The following EGFR variants were observed in gnomAD, a reference collection of about 807,000 sequenced individuals.
EGFR encodes the protein epidermal growth factor receptor.
EGFR carries 58 observed loss-of-function variants against 143.0 expected under a neutral mutation model. The ratio of observed to expected loss-of-function variants is 0.41; its 90% CI spans 0.33 to 0.50. The LOEUF (loss-of-function observed/expected upper bound fraction) is 0.50, where lower values mean the gene tolerates loss of function less well. EGFR is among the 20% of genes least tolerant of loss of function. The pLI, the probability that EGFR is intolerant of heterozygous loss-of-function variation, is 0.39. For synonymous variants in EGFR, 613 were observed against 594.4 expected (o/e 1.03, Z -0.45); for missense variants, 1,307 against 1,579.0 (o/e 0.83, Z 2.92).
At chr7:55,027,337 A>G (rs1786951862) in intron 1 of EGFR, among the ~76,000 whole-genome samples, 1 of 152,222 alleles carries the variant, frequency 6.6e-6, no homozygotes, top group African/African-American at 2.4e-5. Context: ...CTCCAGGCAC[A>G]GGGACAGGAA....
intron 20 of EGFR, among the ~76,000 whole-genome samples, chr7:55,184,426 C>T (rs1240956442): frequency 6.6e-6 from 1 of 152,224 alleles, no homozygotes; most frequent in African/African-American, 2.4e-5. Flanking sequence ...CTCATGCTCA[C>T]ATTCCAGTTG....
intron 1 of EGFR, among the ~76,000 whole-genome samples, chr7:55,112,645 C>T (rs1012372389): frequency 9.9e-5 from 15 of 152,166 alleles, no homozygotes; most frequent in South Asian, 2.1e-4. Context: ...GTCTTCCTGC[C>T]GGCCTCTGGA....
chr7:55,191,957 C>G (rs2128964903), intron 21 of EGFR, 83 bp downstream of exon 21: 3 of 1,585,082 alleles, frequency 1.9e-6, no homozygotes, highest in Middle Eastern at 1.9e-4. Context: ...TTGTTTAACA[C>G]ATGCAGGGGA....
chr7:55,019,334 C>T lies in EGFR; in HGVS notation c.57C>T (p.Cys19=), dbSNP rs866936692. 6.6e-7 allele frequency: 1 copy of T among 1,519,588 alleles called. No homozygotes were observed. Among genetic ancestry groups the T allele is most frequent in the Non-Finnish European group, 8.9e-7 (1 of 1,129,354 alleles). The allele number at this position is 1,519,588 out of a possible 1,614,324, so 94.1% of individuals were successfully genotyped here. ...TCCTGGCGCTGCTGGCTGCGCTCTGCCCGGCGAGTCGGGCTCTGGAGGAAA... is the reference window on the plus strand; with the variant it reads ...TCCTGGCGCTGCTGGCTGCGCTCTGTCCGGCGAGTCGGGCTCTGGAGGAAA... ...AALLALLAAL[C]PASRALEEKK... The change falls in exon 1 of 28, where the codon TGC becomes TGT. Residue 19 remains cysteine (C), a synonymous_variant. Coordinates refer to ENST00000275493, the MANE Select transcript of EGFR (RefSeq NM_005228.5).
intron 1 of EGFR, among the ~76,000 whole-genome samples, chr7:55,024,118 T>A (rs1401378031): frequency 6.6e-6 from 1 of 152,190 alleles, no homozygotes; most frequent in East Asian, 1.9e-4. Flanking sequence ...TCAATCCAGT[T>A]GTCTAGAAAG....
chr7:55,058,753 G>A (rs1343635220), intron 1 of EGFR, among the ~76,000 whole-genome samples: 1 of 152,076 alleles, frequency 6.6e-6, no homozygotes, highest in Non-Finnish European at 1.5e-5. Context: ...TAGTACCAGG[G>A]TGACAAAATA....
At chr7:55,093,182 G>GT (rs1386040970) in intron 1 of EGFR, among the ~76,000 whole-genome samples, 1 of 152,198 alleles carries the variant, frequency 6.6e-6, no homozygotes, top group East Asian at 1.9e-4. Flanking sequence ...TCCTTCCAGC[G>GT]CCTAAGCCTG....
intron 20 of EGFR, among the ~76,000 whole-genome samples, chr7:55,190,125 C>G (rs1033121218): frequency 6.6e-6 from 1 of 151,440 alleles, no homozygotes; most frequent in Non-Finnish European, 1.5e-5. Context: ...TCGGCTTCTG[C>G]CCCCCCTCTC....
At chr7:55,080,091 T>C (rs751103325) in intron 1 of EGFR, among the ~76,000 whole-genome samples, 1 of 152,200 alleles carries the variant, frequency 6.6e-6, no homozygotes, top group Non-Finnish European at 1.5e-5. Context: ...TGTCCTGTGG[T>C]TTTCCCTTAG....
chr7:55,162,346 G>C (rs2128943726), intron 13 of EGFR, among the ~76,000 whole-genome samples: 1 of 152,376 alleles, frequency 6.6e-6, no homozygotes, highest in Middle Eastern at 3.4e-3. Context: ...ACAGATGGCT[G>C]TAGGAATTCT....
chr7:55,149,654 T>A (rs142688002), intron 4 of EGFR, among the ~76,000 whole-genome samples: 2 of 152,218 alleles, frequency 1.3e-5, no homozygotes, highest in Admixed American at 1.3e-4. Context: ...CTTTGACCAA[T>A]CAATATCACA....
intron 1 of EGFR, among the ~76,000 whole-genome samples, chr7:55,085,944 A>G (rs1472759340): frequency 6.6e-6 from 1 of 152,202 alleles, no homozygotes; most frequent in Non-Finnish European, 1.5e-5. Flanking sequence ...GACAATACCA[A>G]GATTTGTACT....
intron 1 of EGFR, among the ~76,000 whole-genome samples, chr7:55,090,808 G>A (rs1391908248): frequency 6.6e-6 from 1 of 152,136 alleles, no homozygotes; most frequent in Admixed American, 6.5e-5. Flanking sequence ...TCAGGAATGA[G>A]GCTAGTAAAA....
At chr7:55,133,635 C>T (rs910507512) in intron 1 of EGFR, among the ~76,000 whole-genome samples, 5 of 152,230 alleles carry the variant, frequency 3.3e-5, no homozygotes, top group East Asian at 3.8e-4. Context: ...GTCATCCCCA[C>T]GTCCACACTG....
In EGFR at chr7:55,187,287, G is replaced by T. The variant is rs149795226; in HGVS notation, c.2470-4432G>T. ...GTGACAATCATGAGCACCTACCCGG[G>T]ACTCTCCATGGGTGCTATCTCTACA... On this transcript the variant is annotated intron_variant, in intron 20 of 27. Coordinates refer to ENST00000275493, the MANE Select transcript of EGFR (RefSeq NM_005228.5). Among the ~76,000 whole-genome samples, 376 of 115,654 alleles carry T rather than the reference G, an allele frequency of 3.3e-3. 3 individuals carry two copies. Among genetic ancestry groups the T allele is most frequent in the African/African-American group, 0.012 (365 of 31,084 alleles). 75.9% of individuals were successfully genotyped at this position (115,654 alleles called of 152,430 possible).
In EGFR at chr7:55,206,508, G is replaced by A. The variant is rs755795483; in HGVS notation, c.*891G>A. On this transcript the variant is annotated 3_prime_UTR_variant, in exon 28 of 28. Coordinates refer to ENST00000275493, the MANE Select transcript of EGFR (RefSeq NM_005228.5). ...GGACCAATAGCCCACAGCTGAGAAT[G>A]TGGAATACCTAAGGATAGCACCGCT... The A allele has an allele frequency of 1.9e-4, 45 of 233,196 alleles. No homozygotes were observed. Among genetic ancestry groups the A allele is most frequent in the Non-Finnish European group, 3.4e-4 (40 of 118,078 alleles). The allele number at this position is 233,196 out of a possible 1,614,324, so 14.4% of individuals were successfully genotyped here.
rs773079786 is a variant in EGFR at position 55,160,304 on chromosome 7, C to A, written c.1464C>A (p.Thr488=). 1 of 1,613,670 alleles carries A rather than the reference C, an allele frequency of 6.2e-7. No homozygotes were observed. The part of the protein sequence containing the change: ...KKLFGTSGQK[T]KIISNRGENS... Reference sequence around the variant, plus strand: ...TGTTTGGGACCTCCGGTCAGAAAACCAAAATTATAAGCAACAGAGGTGAAA... The same window carrying A: ...TGTTTGGGACCTCCGGTCAGAAAACAAAAATTATAAGCAACAGAGGTGAAA... Residue 488 remains threonine (T), a synonymous_variant, in exon 12 of 28, where the codon ACC becomes ACA. Transcript: ENST00000275493.
intron 4 of EGFR, among the ~76,000 whole-genome samples, chr7:55,150,267 T>C (rs970392932): frequency 6.6e-6 from 1 of 152,268 alleles, no homozygotes; most frequent in Non-Finnish European, 1.5e-5. Flanking sequence ...TTAGCACGCC[T>C]GCGTAGGACC....
At position 55,161,536 on chromosome 7, in the gene EGFR, C is replaced by G. The variant is rs374670788; in HGVS notation, c.1536C>G (p.Pro512=). The G allele has an allele frequency of 2.5e-6, 4 of 1,614,130 alleles. No homozygotes were observed. The highest frequency in any genetic ancestry group is 1.7e-6 in the Non-Finnish European group (2 of 1,180,046). Residue 512 remains proline (P), a synonymous_variant, in exon 13 of 28, where the codon CCC becomes CCG. Coordinates refer to ENST00000275493, the MANE Select transcript of EGFR (RefSeq NM_005228.5). ...TGQVCHALCS[P]EGCWGPEPRD... is the part of the protein sequence containing the mutation. ...AGGTCTGCCATGCCTTGTGCTCCCCCGAGGGCTGCTGGGGCCCGGAGCCCA... is the reference window on the plus strand; with the variant it reads ...AGGTCTGCCATGCCTTGTGCTCCCCGGAGGGCTGCTGGGGCCCGGAGCCCA...
Sources: gnomAD v4.1 joint callset for allele counts (sites outside exome capture counted in the v4.1 genomes callset) on GRCh38, gnomAD v4.1.1 for gene constraint, MANE v1.5 for transcripts, NCBI Gene and HGNC (gene_info 2026-07-23, HGNC 2026-07-21) for gene names.